The following OPHN1 variants were observed in gnomAD, a reference collection of about 807,000 sequenced individuals.
The protein encoded by OPHN1 is oligophrenin-1.
In OPHN1, 11 loss-of-function variants were observed where a neutral mutation model predicts 60.7. That is an observed-to-expected ratio of 0.18 (90% CI 0.11 to 0.30). OPHN1 has a LOEUF of 0.30. Ranked by LOEUF, OPHN1 falls within the 10% of genes least tolerant of loss-of-function variation. The probability of loss-of-function intolerance (pLI) is 1.00; values close to 1 mark genes in which losing one functional copy is unlikely to be tolerated. For synonymous variants in OPHN1, 226 were observed against 222.6 expected (o/e 1.02, Z -0.14); for missense variants, 449 against 611.0 (o/e 0.73, Z 2.80).
chrX:68,426,722 T>G, intron 2 of OPHN1, among the ~76,000 whole-genome samples: 1 of 30,747 alleles, frequency 3.3e-5, no homozygotes, highest in African/African-American at 6.0e-5. Context: ...AAAAAATTAG[T>G]TAGCTAAGAT....
chrX:68,209,878 T>C (rs911063165), intron 9 of OPHN1, among the ~76,000 whole-genome samples: 1 of 111,828 alleles, frequency 8.9e-6, no homozygotes, highest in African/African-American at 3.2e-5. Flanking sequence ...TCCAAAAGAA[T>C]AATCAGAAGG....
intron 10 of OPHN1, among the ~76,000 whole-genome samples, chrX:68,203,200 C>T (rs746545557): frequency 2.1e-4 from 23 of 111,428 alleles, no homozygotes; most frequent in Middle Eastern, 4.6e-3. Context: ...GGCTGCAGTG[C>T]GCCAAGATCG....
At chrX:68,176,647 C>T (rs2077415532) in intron 15 of OPHN1, among the ~76,000 whole-genome samples, 1 of 111,742 alleles carries the variant, frequency 8.9e-6, no homozygotes, top group Non-Finnish European at 1.9e-5. Context: ...AAACTAGAAA[C>T]AGAATTACTA....
chrX:68,084,208 C>G (rs1282146724), intron 19 of OPHN1, among the ~76,000 whole-genome samples: 2 of 107,692 alleles, frequency 1.9e-5, no homozygotes, highest in Non-Finnish European at 3.8e-5. Context: ...AAGAACCTAG[C>G]CTGGAACATA....
chrX:68,107,859 TTTTA>T (rs1204089665), intron 18 of OPHN1, among the ~76,000 whole-genome samples: 1 of 112,090 alleles, frequency 8.9e-6, no homozygotes, highest in Non-Finnish European at 1.9e-5. Flanking sequence ...ATACATTGTT[TTTTA>T]TTTGTGATTA....
At chrX:68,198,526 T>C (rs1187352402) in intron 11 of OPHN1, among the ~76,000 whole-genome samples, 1 of 112,176 alleles carries the variant, frequency 8.9e-6, no homozygotes, top group Non-Finnish European at 1.9e-5. Flanking sequence ...ATGCTCTTTA[T>C]GGTCTTTTTA....
At chrX:68,066,107 C>T (rs980657150) in intron 20 of OPHN1, among the ~76,000 whole-genome samples, 29 of 112,480 alleles carry the variant, frequency 2.6e-4, no homozygotes, top group African/African-American at 8.7e-4. Context: ...TAACTAGAGC[C>T]TCTGGCTTCC....
At chrX:68,419,827 C>T (rs2078818166) in intron 2 of OPHN1, among the ~76,000 whole-genome samples, 1 of 111,659 alleles carries the variant, frequency 9.0e-6, no homozygotes, top group African/African-American at 3.3e-5. Flanking sequence ...TGGACGTGAG[C>T]CACCACGCCC....
chrX:68,281,612 G>A (rs1377732023), intron 4 of OPHN1, among the ~76,000 whole-genome samples: 1 of 111,757 alleles, frequency 8.9e-6, no homozygotes, highest in Non-Finnish European at 1.9e-5. Flanking sequence ...ATGCAAAAGA[G>A]ACTATTAAGA....
At chrX:68,377,221 C>T (rs1198958790) in intron 2 of OPHN1, among the ~76,000 whole-genome samples, 3 of 107,113 alleles carry the variant, frequency 2.8e-5, no homozygotes, top group Non-Finnish European at 3.8e-5. Context: ...CTCAGCCTCC[C>T]GAGTAGCTGG....
intron 5 of OPHN1, among the ~76,000 whole-genome samples, chrX:68,249,217 T>C (rs972714228): frequency 8.9e-6 from 1 of 112,056 alleles, no homozygotes; most frequent in East Asian, 2.8e-4. Context: ...TAAATGTATA[T>C]ACCTACTATG....
intron 2 of OPHN1, among the ~76,000 whole-genome samples, chrX:68,331,576 A>G (rs1466685997): frequency 3.7e-5 from 4 of 108,783 alleles, no homozygotes; most frequent in African/African-American, 1.3e-4. Flanking sequence ...TACTAAAAAA[A>G]CAAAATCAGC....
intron 2 of OPHN1, among the ~76,000 whole-genome samples, chrX:68,418,943 G>A (rs1374390991): frequency 9.0e-6 from 1 of 110,751 alleles, no homozygotes; most frequent in Non-Finnish European, 1.9e-5. Context: ...GATGAAACTG[G>A]TTCCAAGCAA....
intron 5 of OPHN1, among the ~76,000 whole-genome samples, chrX:68,240,999 C>T (rs1331313998): frequency 9.0e-6 from 1 of 111,174 alleles, no homozygotes; most frequent in Admixed American, 9.6e-5. Flanking sequence ...TTTGTTAGTT[C>T]CCAAATATGG....
At chrX:68,089,034 CT>C (rs1337292765) in intron 19 of OPHN1, among the ~76,000 whole-genome samples, 3 of 111,498 alleles carry the variant, frequency 2.7e-5, no homozygotes, top group African/African-American at 9.8e-5. Flanking sequence ...CTCTCCAAAT[CT>C]CAGAGCAAAG....
chrX:68,320,862 G>A (rs1476887450), intron 2 of OPHN1, among the ~76,000 whole-genome samples: 3 of 111,178 alleles, frequency 2.7e-5, no homozygotes, highest in African/African-American at 3.3e-5. Context: ...TTGATAGAGC[G>A]GCTCACCAAA....
chrX:68,305,386 AT>A (rs1249597877), intron 2 of OPHN1, among the ~76,000 whole-genome samples: 1 of 112,271 alleles, frequency 8.9e-6, no homozygotes, highest in Non-Finnish European at 1.9e-5. Flanking sequence ...AATCATAATA[AT>A]TTTTAATGGA....
At chrX:68,096,212 G>A (rs1041085030) in intron 19 of OPHN1, among the ~76,000 whole-genome samples, 4 of 111,087 alleles carry the variant, frequency 3.6e-5, no homozygotes, top group Non-Finnish European at 5.7e-5. Flanking sequence ...CCCTATCCTC[G>A]AAGACACAGA....
intron 6 of OPHN1, among the ~76,000 whole-genome samples, chrX:68,225,032 G>T (rs770165027): frequency 6.2e-5 from 7 of 112,262 alleles, no homozygotes; most frequent in Non-Finnish European, 1.3e-4. Context: ...CTAATACTGC[G>T]CTTTTCCAAC....
Sources: gnomAD v4.1 joint callset for allele counts (sites outside exome capture counted in the v4.1 genomes callset) on GRCh38, gnomAD v4.1.1 for gene constraint, MANE v1.5 for transcripts, NCBI Gene and HGNC (gene_info 2026-07-23, HGNC 2026-07-21) for gene names.